Variants in RTN1 observed in about 807,000 individuals in gnomAD.
RTN1 encodes the protein reticulon 1.
A neutral mutation model predicts 65.5 loss-of-function variants in RTN1; 25 were observed. The ratio of observed to expected loss-of-function variants is 0.38; its 90% CI spans 0.28 to 0.53. The LOEUF (loss-of-function observed/expected upper bound fraction) is 0.53. Ranked by LOEUF, RTN1 falls within the 20% of genes least tolerant of loss-of-function variation. The pLI is 0.79. For synonymous variants in RTN1, 471 were observed against 447.6 expected, an observed-to-expected ratio of 1.05 and a Z score of -0.66; for missense variants, 983 against 1,025.4, an observed-to-expected ratio of 0.96 and a Z score of 0.57.
intron 2 of RTN1, among the ~76,000 whole-genome samples, chr14:59,738,228 G>A (rs1885039840): frequency 6.6e-6 from 1 of 151,972 alleles, no homozygotes; most frequent in African/African-American, 2.4e-5. Context: ...AGAACAGAAT[G>A]GGAGAAAATA....
At chr14:59,632,580 ATCAT>A (rs1382967383) in intron 3 of RTN1, among the ~76,000 whole-genome samples, 2 of 53,744 alleles carry the variant, frequency 3.7e-5, no homozygotes, top group Non-Finnish European at 8.3e-5. Flanking sequence ...AGCCCCAGTT[ATCAT>A]TCCCTAAGTC....
rs575042663 is a variant in RTN1 at position 59,727,730 on chromosome 14, G to A, written c.1016-62C>T. On this transcript the variant is annotated intron_variant, in intron 2 of 8. Transcript: ENST00000267484. This position sits in a 1 kb window ranked among gnomAD's most constrained non-coding sequence, Gnocchi z 4.2. ...ACACACACGGACAGACAGATGGACA[G>A]AGAGAGGAGGGATAAAACAAAATTC... The A allele has an allele frequency of 6.7e-7, 1 of 1,502,842 alleles. No homozygotes were observed. Among genetic ancestry groups the A allele is most frequent in the African/African-American group, 1.4e-5 (1 of 71,600 alleles). 93.1% of individuals were successfully genotyped at this position (1,502,842 alleles called of 1,614,324 possible).
At position 59,849,609 on chromosome 14, in the gene RTN1, G is replaced by A. The variant is rs997029666; in HGVS notation, c.241+20781C>T. Among the ~76,000 whole-genome samples the A allele has an allele frequency of 2.6e-5, 4 of 152,250 alleles. No individual in the cohort carries two copies. Among genetic ancestry groups the A allele is most frequent in the African/African-American group, 9.6e-5 (4 of 41,552 alleles). On this transcript the variant is annotated intron_variant, in intron 1 of 8. Transcript: ENST00000267484. This position sits in a 1 kb window ranked among gnomAD's most constrained non-coding sequence, Gnocchi z 4.5. ...CCCACTGATTGATTTCATTCAGCTG[G>A]GGGTGAGAAAGCTTTGGGTGGCCCT...
chr14:59,726,819 TG>T, intron 3 of RTN1, 99 bp downstream of exon 3: 1 of 968,800 alleles, frequency 1.0e-6, no homozygotes, highest in Non-Finnish European at 1.5e-6. Context: ...TTGATCAGCA[TG>T]GGGATGACTC....
intron 1 of RTN1, among the ~76,000 whole-genome samples, chr14:59,855,571 G>C (rs148835763): frequency 1.1e-3 from 160 of 152,284 alleles, no homozygotes; most frequent in African/African-American, 3.5e-3. Flanking sequence ...TCTACCATCT[G>C]TGTTAATATG....
intron 3 of RTN1, among the ~76,000 whole-genome samples, chr14:59,674,870 G>C (rs1381629648): frequency 2.0e-5 from 3 of 152,146 alleles, no homozygotes; most frequent in Non-Finnish European, 4.4e-5. Flanking sequence ...AATGAGGCTA[G>C]TGTATATGTA....
At chr14:59,791,452 G>A (rs1272809924) in intron 1 of RTN1, among the ~76,000 whole-genome samples, 1 of 152,222 alleles carries the variant, frequency 6.6e-6, no homozygotes, top group East Asian at 1.9e-4. Context: ...GCTGCACCTG[G>A]GTGCACATTG....
At chr14:59,636,290 A>C (rs1882663522) in intron 3 of RTN1, among the ~76,000 whole-genome samples, 1 of 152,028 alleles carries the variant, frequency 6.6e-6, no homozygotes. Context: ...CTTGGTGATA[A>C]GTGGGTTTTC....
intron 1 of RTN1, among the ~76,000 whole-genome samples, chr14:59,775,700 C>G (rs1037377642): frequency 1.3e-5 from 2 of 152,020 alleles, no homozygotes; most frequent in Non-Finnish European, 2.9e-5. Flanking sequence ...ATCTCCAGAC[C>G]AAAAATAAAA....
intron 1 of RTN1, among the ~76,000 whole-genome samples, chr14:59,787,219 C>A (rs1051288598): frequency 1.3e-5 from 2 of 152,092 alleles, no homozygotes; most frequent in Admixed American, 6.5e-5. Context: ...GCTGAGCCCC[C>A]CTAGGGGAGC....
At chr14:59,796,821 T>C (rs1886448059) in intron 1 of RTN1, among the ~76,000 whole-genome samples, 1 of 152,206 alleles carries the variant, frequency 6.6e-6, no homozygotes, top group African/African-American at 2.4e-5. Context: ...TTTCCACCTG[T>C]TAATTTACTG....
intron 1 of RTN1, among the ~76,000 whole-genome samples, chr14:59,845,787 C>G (rs1248667059): frequency 1.3e-5 from 2 of 152,110 alleles, no homozygotes; most frequent in Non-Finnish European, 2.9e-5. Context: ...CCACTGAACC[C>G]TTTCCCTAGA....
intron 3 of RTN1, among the ~76,000 whole-genome samples, chr14:59,623,749 C>T (rs1040706595): frequency 1.3e-5 from 2 of 152,112 alleles, no homozygotes; most frequent in Non-Finnish European, 2.9e-5. Flanking sequence ...AGGTAGACAG[C>T]TGTTGGTTCC....
chr14:59,615,197 C>T (rs1332305885), intron 3 of RTN1, among the ~76,000 whole-genome samples: 2 of 152,186 alleles, frequency 1.3e-5, no homozygotes, highest in Non-Finnish European at 1.5e-5. Context: ...TGCCTGTAAT[C>T]CCAGCACTTT....
chr14:59,726,334 G>A (rs552757600), intron 3 of RTN1, among the ~76,000 whole-genome samples: 5 of 152,244 alleles, frequency 3.3e-5, no homozygotes, highest in Admixed American at 6.5e-5. Context: ...TCTTGCTTAG[G>A]GACAAGAGAA....
rs768443930 is a variant in RTN1, at chr14:59,727,013, GTCT to G, written c.1668_1670del (p.Glu556del). The G allele has an allele frequency of 3.9e-5, 63 of 1,613,522 alleles. No individual in the cohort carries two copies. In the African/African-American group the frequency reaches 7.2e-4, roughly 18 times the overall value. On this transcript the variant is annotated inframe_deletion, in exon 3 of 9. Coordinates refer to ENST00000267484, the MANE Select transcript of RTN1 (RefSeq NM_021136.3). The surrounding 1 kb of genome is among the most constrained non-coding windows in gnomAD (Gnocchi z 4.2). The stretch of plus-strand genomic sequence containing the variant: ...CCGCAGGACTTTGGTTGGAACTCGA[GTCT>G]TCTTCAGGCTTCCGTGGCAACATGG...
intron 2 of RTN1, among the ~76,000 whole-genome samples, chr14:59,738,296 C>T (rs1358150980): frequency 6.6e-6 from 1 of 151,958 alleles, no homozygotes; most frequent in African/African-American, 2.4e-5. Context: ...AGAACTTAAA[C>T]AATTTACAAG....
At position 59,816,725 on chromosome 14, in the gene RTN1, C is replaced by A. The variant is rs1044020676; in HGVS notation, c.241+53665G>T. On this transcript the variant is annotated intron_variant, in intron 1 of 8. Coordinates refer to ENST00000267484, the MANE Select transcript of RTN1 (RefSeq NM_021136.3). The surrounding 1 kb of genome is among the most constrained non-coding windows in gnomAD (Gnocchi z 4.3). ...GAGGCTGGCGAATCACTTGAGTCCA[C>A]GAGTTCAAGGTCAGCCTGGGCAACA... 6.6e-6 allele frequency among the ~76,000 whole-genome samples: 1 copy of A among 152,016 alleles called. No individual in the cohort carries two copies. Among genetic ancestry groups the A allele is most frequent in the African/African-American group, 2.4e-5 (1 of 41,372 alleles).
chr14:59,703,359 A>G (rs1363789002), intron 3 of RTN1, among the ~76,000 whole-genome samples: 1 of 152,162 alleles, frequency 6.6e-6, no homozygotes, highest in Admixed American at 6.5e-5. Flanking sequence ...TTAGTGATCA[A>G]TGAGTTCTCA....
Sources: allele counts gnomAD v4.1 joint callset (sites outside exome capture counted in the v4.1 genomes callset), GRCh38; gene constraint gnomAD v4.1.1; non-coding constraint Gnocchi (gnomAD v3.1); transcripts MANE v1.5; gene names NCBI Gene and HGNC (gene_info 2026-07-23, HGNC 2026-07-21).